The following SEC24A variants were observed in gnomAD, a reference collection of about 807,000 sequenced individuals.
The protein encoded by SEC24A is protein transport protein Sec24A.
SEC24A carries 93 observed loss-of-function variants against 129.4 expected under a neutral mutation model. That is an observed-to-expected ratio of 0.72 (90% confidence interval 0.61 to 0.85). The LOEUF (loss-of-function observed/expected upper bound fraction) is 0.85. Among genes scored for constraint, SEC24A ranks in the 40% least tolerant of loss-of-function variants. SEC24A has a pLI of 0.00. For missense variants in SEC24A, 1,264 were observed against 1,307.4 expected (o/e 0.97, Z 0.51); for synonymous variants, 460 against 467.3 (o/e 0.98, Z 0.20).
rs1040879002 is a variant in SEC24A, at chr5:134,648,840, G to C, written c.-237G>C. 15 of 377,154 alleles carry C rather than the reference G, an allele frequency of 4.0e-5. No homozygotes were observed. The highest frequency in any genetic ancestry group is 3.2e-4 in the African/African-American group (15 of 47,494). The allele number at this position is 377,154 out of a possible 1,614,324, so 23.4% of individuals were successfully genotyped here. A position where few individuals can be genotyped will look rare whatever the true frequency, so the allele number is the denominator to read the frequency against. On this transcript the variant is annotated 5_prime_UTR_variant, in exon 1 of 23. Transcript: ENST00000398844. ...TAGGTTTGGCTGCCGCCTTCTAGCC[G>C]GGCGTTCGCGGCCCCGCCGGCCCGA...
chr5:134,655,532 C>T (rs940078535), intron 1 of SEC24A, among the ~76,000 whole-genome samples: 1 of 151,368 alleles, frequency 6.6e-6, no homozygotes, highest in Non-Finnish European at 1.5e-5. Flanking sequence ...GCCTGTAATC[C>T]CAGCTACTCA....
rs759709202 is a variant in SEC24A, at chr5:134,676,020, T to C, written c.1152-3T>C. 5.7e-6 allele frequency: 9 copies of C among 1,588,208 alleles called. No homozygotes were observed. Among genetic ancestry groups the C allele is most frequent in the Middle Eastern group, 1.7e-4 (1 of 5,974 alleles). On this transcript the variant is annotated splice_polypyrimidine_tract_variant and splice_region_variant and intron_variant, in intron 6 of 22. Coordinates refer to ENST00000398844, the MANE Select transcript of SEC24A (RefSeq NM_021982.3). ...CTGATACATACTTTTTACTTTGATA[T>C]AGGTTATTTCGATGCACGCTGACTA...
At chr5:134,708,611 A>C (rs987461448) in intron 17 of SEC24A, 102 bp from the exon 18 acceptor site, 13 of 1,032,094 alleles carry the variant, frequency 1.3e-5, no homozygotes, top group Non-Finnish European at 1.7e-5. Context: ...AATTGGAGAG[A>C]TACTTGGTAT....
chr5:134,698,630 GTT>G (rs1212106367), intron 15 of SEC24A, among the ~76,000 whole-genome samples: 137 of 120,460 alleles, frequency 1.1e-3, no homozygotes, highest in African/African-American at 3.9e-3. Context: ...ATAGAGTCTT[GTT>G]TTTTTTTTTT....
chr5:134,692,815 T>C (rs1751702498), intron 12 of SEC24A, 158 bp downstream of exon 12: 2 of 708,516 alleles, frequency 2.8e-6, no homozygotes, highest in East Asian at 5.3e-5. Context: ...GCTCTTGAGT[T>C]CAACCTTGAG....
chr5:134,698,509 G>C (rs1751899875), intron 15 of SEC24A, among the ~76,000 whole-genome samples: 2 of 151,882 alleles, frequency 1.3e-5, no homozygotes, highest in Admixed American at 6.6e-5. Context: ...GGAGGCTGAG[G>C]TGGGAGGATT....
intron 2 of SEC24A, among the ~76,000 whole-genome samples, chr5:134,664,792 C>T (rs368461881): frequency 1.7e-4 from 15 of 86,186 alleles, no homozygotes; most frequent in Non-Finnish European, 2.6e-4. Context: ...TTTTCTTTTT[C>T]TTTTTTTTTT....
Position 134,648,996 on chromosome 5 carries a change from C to A in SEC24A, c.-81C>A, listed in dbSNP as rs1749953356. On this transcript the variant is annotated 5_prime_UTR_variant, in exon 1 of 23. Coordinates refer to ENST00000398844, the MANE Select transcript of SEC24A (RefSeq NM_021982.3). ...CAGTCTTAAGTCGTTAGCCTCCTCCCTCCGCTTTCAGCAGTGGTCTTTCAG... is the reference window on the plus strand; with the variant it reads ...CAGTCTTAAGTCGTTAGCCTCCTCCATCCGCTTTCAGCAGTGGTCTTTCAG... The A allele has an allele frequency of 2.9e-6, 3 of 1,038,170 alleles. No individual in the cohort carries two copies. Among genetic ancestry groups the A allele is most frequent in the South Asian group, 2.9e-5 (2 of 68,218 alleles). 64.3% of individuals were successfully genotyped at this position (1,038,170 alleles called of 1,614,324 possible). A position where few individuals can be genotyped will look rare whatever the true frequency, so the allele number is the denominator to read the frequency against.
chr5:134,723,347 C>A (rs1752674645), intron 21 of SEC24A, among the ~76,000 whole-genome samples: 1 of 151,942 alleles, frequency 6.6e-6, no homozygotes, highest in Non-Finnish European at 1.5e-5. Flanking sequence ...CATCTGTAGT[C>A]CCAACTATTC....
At chr5:134,665,303 A>G (rs1280593265) in intron 2 of SEC24A, among the ~76,000 whole-genome samples, 1 of 150,758 alleles carries the variant, frequency 6.6e-6, no homozygotes, top group African/African-American at 2.4e-5. Flanking sequence ...AAAATACAAA[A>G]ATTAGCCGGG....
chr5:134,693,793 T>C lies in SEC24A; in HGVS notation c.1846T>C (p.Leu616=), dbSNP rs371345439. 7 of 1,614,014 alleles carry C rather than the reference T, an allele frequency of 4.3e-6. No homozygotes were observed. The African/African-American group carries it at 8.0e-5, about 18-fold the overall frequency. Residue 616 remains leucine (L), a synonymous_variant, in exon 13 of 23, where the codon TTG becomes CTG. Transcript: ENST00000398844. ...CAAGACTCTGGAGACCCAGAGTGCC[T>C]TGGGTCCTGCACTGCAGGCTGCCTT... ...FTKTLETQSA[L]GPALQAAFKL... is the part of the protein sequence containing the mutation.
intron 2 of SEC24A, among the ~76,000 whole-genome samples, chr5:134,665,457 GA>G (rs1156650780): frequency 0.032 from 4,002 of 124,706 alleles, 93 homozygotes; most frequent in East Asian, 0.12. Flanking sequence ...CTTCGTCTCA[GA>G]AAAAAAAAAA....
chr5:134,675,244 A>G (rs367564006), intron 6 of SEC24A, 27 bp downstream of exon 6: 40 of 1,572,912 alleles, frequency 2.5e-5, no homozygotes, highest in Non-Finnish European at 3.3e-5. Context: ...GACATTATGC[A>G]TGTCCGAAAA....
intron 4 of SEC24A, among the ~76,000 whole-genome samples, chr5:134,674,304 C>A (rs1750974794): frequency 6.6e-6 from 1 of 151,978 alleles, no homozygotes; most frequent in South Asian, 2.1e-4. Context: ...TTAAAGCATT[C>A]TGGGCCAGGC....
intron 6 of SEC24A, among the ~76,000 whole-genome samples, chr5:134,675,644 C>A (rs1751034434): frequency 6.6e-6 from 1 of 151,916 alleles, no homozygotes; most frequent in Non-Finnish European, 1.5e-5. Context: ...AATTTGGTAC[C>A]TTTAAATTGT....
In SEC24A at chr5:134,683,202, A is replaced by G. The variant is rs185603963; in HGVS notation, c.1491+720A>G. Among the ~76,000 whole-genome samples, 166 of 151,794 alleles carry G rather than the reference A, an allele frequency of 1.1e-3. 4 individuals carry two copies. In the East Asian group the frequency reaches 0.032, roughly 29 times the overall value. ...CACCTGGCTAATTTTTGAGTTTTTA[A>G]TAGAGACGGGGTTTCACCATGTTGG... On this transcript the variant is annotated intron_variant, in intron 9 of 22. Transcript: ENST00000398844.
chr5:134,661,992 GCTAA>G (rs1014811939), intron 2 of SEC24A, among the ~76,000 whole-genome samples: 1 of 151,198 alleles, frequency 6.6e-6, no homozygotes, highest in African/African-American at 2.4e-5. Flanking sequence ...ACTGCACCCA[GCTAA>G]CTTTTTGTAT....
At chr5:134,692,771 G>A (rs752795667) in intron 12 of SEC24A, 114 bp downstream of exon 12, 15 of 773,912 alleles carry the variant, frequency 1.9e-5, no homozygotes, top group Non-Finnish European at 3.1e-5. Context: ...AAGATGTGTA[G>A]CATTTTATAT....
intron 13 of SEC24A, among the ~76,000 whole-genome samples, chr5:134,696,189 G>A (rs1751818382): frequency 6.6e-6 from 1 of 151,720 alleles, no homozygotes. Flanking sequence ...AGAATCGCTA[G>A]AAACCGGGAG....
Sources: allele counts gnomAD v4.1 joint callset (sites outside exome capture counted in the v4.1 genomes callset), GRCh38; gene constraint gnomAD v4.1.1; transcripts MANE v1.5; gene names NCBI Gene and HGNC (gene_info 2026-07-23, HGNC 2026-07-21).